The following METTL25 variants were observed in gnomAD, a reference collection of about 807,000 sequenced individuals.
The protein encoded by METTL25 is methyltransferase like 25.
METTL25 carries 64 observed loss-of-function variants against 71.6 expected under a neutral mutation model. That is an observed-to-expected ratio of 0.89 (90% CI 0.73 to 1.10). The LOEUF (loss-of-function observed/expected upper bound fraction) is 1.10, where lower values mean the gene tolerates loss of function less well. Among genes scored for constraint, METTL25 ranks in the 50% least tolerant of loss-of-function variants. METTL25 has a pLI of 0.00. For missense variants in METTL25, 807 were observed against 707.0 expected, an observed-to-expected ratio of 1.14 and a Z score of -1.60; for synonymous variants, 287 against 250.3, an observed-to-expected ratio of 1.15 and a Z score of -1.38.
intron 9 of METTL25, among the ~76,000 whole-genome samples, chr12:82,461,208 T>C (rs1891854645): frequency 6.6e-6 from 1 of 152,198 alleles, no homozygotes; most frequent in South Asian, 2.1e-4. Context: ...ATACAGTATA[T>C]GGAAATTCTC....
chr12:82,477,308 G>C lies in METTL25; in HGVS notation c.1675G>C (p.Glu559Gln), dbSNP rs1892931019. ...MLKVVLAPCI[E>Q]TLILLDRLCY... ...GAAAGTTGTACTGGCTCCCTGTATA[G>C]AGACTTTGATTCTTCTGGATCGACT... The change falls in exon 11 of 12, where the codon GAG (glutamate) becomes CAG (glutamine). Residue 559 changes from glutamate (E) to glutamine (Q), a missense_variant. By Grantham distance (29) the Glu-to-Gln change is conservative. Transcript: ENST00000248306. 6.4e-7 allele frequency: 1 copy of C among 1,574,762 alleles called. No homozygotes were observed. Among genetic ancestry groups the C allele is most frequent in the African/African-American group, 1.4e-5 (1 of 73,328 alleles).
chr12:82,373,459 T>C (rs1161684121), intron 1 of METTL25, among the ~76,000 whole-genome samples: 1 of 152,146 alleles, frequency 6.6e-6, no homozygotes, highest in African/African-American at 2.4e-5. Context: ...TCCTGGAGTT[T>C]ATGCTAGAAA....
intron 9 of METTL25, among the ~76,000 whole-genome samples, chr12:82,460,688 G>A (rs1256910133): frequency 6.6e-6 from 1 of 152,196 alleles, no homozygotes; most frequent in African/African-American, 2.4e-5. Flanking sequence ...ATCAAGACAA[G>A]TTTGAGAAAC....
chr12:82,397,955 G>A (rs1352394765), intron 3 of METTL25, among the ~76,000 whole-genome samples: 1 of 151,518 alleles, frequency 6.6e-6, no homozygotes, highest in Non-Finnish European at 1.5e-5. Context: ...ATTATTTTAG[G>A]CATTTTTGCC....
intron 5 of METTL25, 34 bp downstream of exon 5, chr12:82,403,164 AT>A: frequency 6.3e-7 from 1 of 1,574,974 alleles, no homozygotes; most frequent in Non-Finnish European, 8.6e-7. Context: ...ATTTTTATTC[AT>A]TTGAGCATAA....
At chr12:82,477,933 A>G (rs1009360791) in intron 11 of METTL25, among the ~76,000 whole-genome samples, 3 of 151,816 alleles carry the variant, frequency 2.0e-5, no homozygotes, top group Admixed American at 6.6e-5. Flanking sequence ...CCATTCATGG[A>G]CTCACCGAAT....
chr12:82,405,443 C>G (rs1429722329), intron 5 of METTL25, among the ~76,000 whole-genome samples: 6 of 151,808 alleles, frequency 4.0e-5, no homozygotes, highest in Non-Finnish European at 1.5e-5. Context: ...TTATGGTAAC[C>G]AGAAGGTGTC....
At chr12:82,411,043 C>T (rs1485083380) in intron 5 of METTL25, among the ~76,000 whole-genome samples, 1 of 152,016 alleles carries the variant, frequency 6.6e-6, no homozygotes, top group Admixed American at 6.6e-5. Context: ...GCTGACCCTC[C>T]TATTATATTG....
Position 82,401,227 on chromosome 12 carries a change from A to G in METTL25, c.1132-1756A>G, listed in dbSNP as rs4635150. Among the ~76,000 whole-genome samples, 215 of 152,222 alleles carry G rather than the reference A, an allele frequency of 1.4e-3. 1 individual carries two copies. The East Asian group carries it at 0.018, about 13-fold the overall frequency. ...TTTTATGTCTAGGACATAGGCTAAA[A>G]TAACATTTTAGTAAAATAATTTTTA... On this transcript the variant is annotated intron_variant, in intron 4 of 11. Transcript: ENST00000248306.
intron 1 of METTL25, among the ~76,000 whole-genome samples, chr12:82,372,996 G>A (rs192985841): frequency 1.6e-4 from 24 of 152,246 alleles, no homozygotes; most frequent in Admixed American, 1.1e-3. Flanking sequence ...GAGGAAGGTC[G>A]GATTTAGTGG....
chr12:82,373,765 G>A (rs1883521022), intron 1 of METTL25, among the ~76,000 whole-genome samples: 2 of 152,198 alleles, frequency 1.3e-5, no homozygotes, highest in African/African-American at 4.8e-5. Context: ...GCAGAAGCTG[G>A]TTCCAGGCAA....
chr12:82,399,252 A>G lies in METTL25; in HGVS notation c.989A>G (p.Gln330Arg). The stretch of plus-strand genomic sequence containing the variant: ...GCTGTAGAGCCTACTTCTTCACAGC[A>G]AATACCCAACAGAGAAACATCTGAA... Reference protein sequence around the residue: ...INAVEPTSSQQIPNRETSEAN... With the variant: ...INAVEPTSSQRIPNRETSEAN... Residue 330 changes from glutamine (Q) to arginine (R), a missense_variant, in exon 4 of 12, where the codon CAA becomes CGA. Coordinates refer to ENST00000248306, the MANE Select transcript of METTL25 (RefSeq NM_032230.3). 1 of 1,613,776 alleles carries G rather than the reference A, an allele frequency of 6.2e-7. No homozygotes were observed. The highest frequency in any genetic ancestry group is 8.5e-7 in the Non-Finnish European group (1 of 1,179,858).
intron 1 of METTL25, among the ~76,000 whole-genome samples, chr12:82,377,199 G>A (rs1309809856): frequency 6.6e-6 from 1 of 151,666 alleles, no homozygotes; most frequent in Non-Finnish European, 1.5e-5. Flanking sequence ...TCTCATATAT[G>A]AATTTAAAAA....
At chr12:82,466,861 A>G (rs746933350) in intron 9 of METTL25, among the ~76,000 whole-genome samples, 1 of 151,966 alleles carries the variant, frequency 6.6e-6, no homozygotes. Context: ...CTTTATAGCT[A>G]TTGGCTTGAA....
At chr12:82,426,103 T>C (rs1259751418) in intron 5 of METTL25, among the ~76,000 whole-genome samples, 1 of 152,064 alleles carries the variant, frequency 6.6e-6, no homozygotes, top group Non-Finnish European at 1.5e-5. Context: ...CTAACTTTGA[T>C]TCAGGTCATA....
chr12:82,399,961 A>AG (rs1278548912), intron 4 of METTL25, among the ~76,000 whole-genome samples: 1 of 151,486 alleles, frequency 6.6e-6, no homozygotes, highest in Admixed American at 6.6e-5. Context: ...AAAAAAAAAA[A>AG]AGGTAGCTTT....
intron 10 of METTL25, 44 bp from the exon 11 acceptor site, chr12:82,477,237 T>C: frequency 1.1e-6 from 1 of 878,090 alleles, no homozygotes; most frequent in Non-Finnish European, 1.7e-6. Context: ...TAGTCTTTTT[T>C]TTTTAAGTAC....
At chr12:82,397,626 G>A (rs1886193824) in intron 3 of METTL25, among the ~76,000 whole-genome samples, 1 of 151,756 alleles carries the variant, frequency 6.6e-6, no homozygotes, top group African/African-American at 2.4e-5. Flanking sequence ...TTGATTTGTA[G>A]CAGACAAAAA....
rs747203499 is a variant in METTL25, at chr12:82,434,716, G to T, written c.1396G>T (p.Gly466Cys). 2 of 1,609,312 alleles carry T rather than the reference G, an allele frequency of 1.2e-6. No homozygotes were observed. Among genetic ancestry groups the T allele is most frequent in the Non-Finnish European group, 1.7e-6 (2 of 1,176,816 alleles). ...ACLALERVAA[G>C]QGLPTESLFY... Reference sequence around the variant, plus strand: ...TAAGGCATTGGAGCGGGTTGCAGCTGGCCAAGGGGTAAGTAAGAGTGTTAA... The same window carrying T: ...TAAGGCATTGGAGCGGGTTGCAGCTTGCCAAGGGGTAAGTAAGAGTGTTAA... Residue 466 changes from glycine (G) to cysteine (C), a missense_variant, in exon 7 of 12, where the codon GGC becomes TGC. Gly to Cys is a radical substitution (Grantham distance 159). Coordinates refer to ENST00000248306, the MANE Select transcript of METTL25 (RefSeq NM_032230.3).
Sources: allele counts gnomAD v4.1 joint callset (sites outside exome capture counted in the v4.1 genomes callset), GRCh38; gene constraint gnomAD v4.1.1; transcripts MANE v1.5; gene names NCBI Gene and HGNC (gene_info 2026-07-23, HGNC 2026-07-21).